The following RAPGEFL1 variants were observed in gnomAD, a reference collection of about 807,000 sequenced individuals.
RAPGEFL1 encodes rap guanine nucleotide exchange factor-like 1.
A neutral mutation model predicts 64.4 loss-of-function variants in RAPGEFL1; 31 were observed. The ratio of observed to expected loss-of-function variants is 0.48; its 90% confidence interval spans 0.36 to 0.65. The LOEUF (loss-of-function observed/expected upper bound fraction) is 0.65. Ranked by LOEUF, RAPGEFL1 falls within the 30% of genes least tolerant of loss-of-function variation. The pLI is 0.00. For missense variants in RAPGEFL1, 682 were observed against 677.4 expected (o/e 1.01, Z -0.08); for synonymous variants, 331 against 274.1 (o/e 1.21, Z -2.05).
At position 40,189,400 on chromosome 17, in the gene RAPGEFL1, G is replaced by A. The variant is rs200311774; in HGVS notation, c.1114+25G>A. ...GGTGAGGGTCAGGAAGAACTGGGCT[G>A]ATGCTCCGAGAGGAGAAACTCACAA... On this transcript the variant is annotated intron_variant, in intron 6 of 14. Transcript: ENST00000620260. 8.1e-6 allele frequency: 13 copies of A among 1,611,916 alleles called. No individual in the cohort carries two copies. The East Asian group carries it at 2.9e-4, about 36-fold the overall frequency.
rs769807590 is a variant in RAPGEFL1, at chr17:40,191,576, C to T, written c.1515-6C>T. 6.2e-7 allele frequency: 1 copy of T among 1,604,084 alleles called. No homozygotes were observed. Among genetic ancestry groups the T allele is most frequent in the Non-Finnish European group, 8.5e-7 (1 of 1,176,520 alleles). On this transcript the variant is annotated splice_region_variant and splice_polypyrimidine_tract_variant and intron_variant, in intron 9 of 14. Coordinates refer to ENST00000620260, the MANE Select transcript of RAPGEFL1 (RefSeq NM_016339.6). This position sits in a 1 kb window ranked among gnomAD's most constrained non-coding sequence, Gnocchi z 5.1. The stretch of plus-strand genomic sequence containing the variant: ...CCGCCCCTGACCCCGCCTCCCACCC[C>T]CGCAGCTGCAAGCAGAACCAGGACC...
chr17:40,180,127 A>G (rs889755761), intron 1 of RAPGEFL1, among the ~76,000 whole-genome samples: 2 of 152,172 alleles, frequency 1.3e-5, no homozygotes, highest in African/African-American at 4.8e-5. Context: ...CCTGTGAGAT[A>G]AAGTCTATGA....
chr17:40,192,778 G>C, intron 12 of RAPGEFL1, 85 bp downstream of exon 12: 1 of 1,436,758 alleles, frequency 7.0e-7, no homozygotes, highest in Admixed American at 1.7e-5. Context: ...GCTCCCTCTC[G>C]ACTCAGCCCT....
chr17:40,192,383 C>A, intron 11 of RAPGEFL1, 120 bp downstream of exon 11: 1 of 1,188,668 alleles, frequency 8.4e-7, no homozygotes, highest in Non-Finnish European at 1.2e-6. Flanking sequence ...ACCCCCCACC[C>A]TCCTTACCAT....
intron 4 of RAPGEFL1, among the ~76,000 whole-genome samples, chr17:40,185,983 C>G (rs1449674142): frequency 2.0e-5 from 3 of 148,378 alleles, no homozygotes; most frequent in Admixed American, 6.7e-5. Context: ...AAAAAAAGGC[C>G]GGGTGCGGTG....
chr17:40,185,293 C>G (rs1294163132), intron 4 of RAPGEFL1, among the ~76,000 whole-genome samples: 3 of 152,146 alleles, frequency 2.0e-5, no homozygotes, highest in Non-Finnish European at 4.4e-5. Context: ...TGATTTCAAG[C>G]TACCAATGTG....
intron 4 of RAPGEFL1, among the ~76,000 whole-genome samples, chr17:40,185,511 C>G (rs895889936): frequency 2.5e-4 from 34 of 138,560 alleles, no homozygotes; most frequent in African/African-American, 7.4e-4. Flanking sequence ...GAAACCCTGT[C>G]TCCACTACAA....
chr17:40,179,248 G>C (rs1407616591), intron 1 of RAPGEFL1, among the ~76,000 whole-genome samples: 1 of 152,162 alleles, frequency 6.6e-6, no homozygotes, highest in Non-Finnish European at 1.5e-5. Flanking sequence ...TGTATTTTTA[G>C]TAGAGACAGG....
At chr17:40,186,424 C>T (rs1990074069) in intron 4 of RAPGEFL1, among the ~76,000 whole-genome samples, 3 of 149,870 alleles carry the variant, frequency 2.0e-5, no homozygotes, top group South Asian at 4.2e-4. Context: ...AAAAATTAGC[C>T]GGGCGCGGTG....
intron 1 of RAPGEFL1, among the ~76,000 whole-genome samples, chr17:40,179,673 G>A (rs1283617185): frequency 6.6e-5 from 10 of 152,172 alleles, no homozygotes; most frequent in Admixed American, 6.5e-4. Flanking sequence ...AAGACCGAGG[G>A]TTCTTTAGGT....
chr17:40,192,319 G>A, intron 11 of RAPGEFL1, 56 bp downstream of exon 11: 1 of 1,556,176 alleles, frequency 6.4e-7, no homozygotes, highest in Non-Finnish European at 8.9e-7. Context: ...GAAACCCTCT[G>A]TTCCCATAAA....
Position 40,177,538 on chromosome 17 carries a change from G to T in RAPGEFL1, c.-324G>T. On this transcript the variant is annotated 5_prime_UTR_variant, in exon 1 of 15. Transcript: ENST00000620260. Reference sequence around the variant, plus strand: ...CGCCGCCGCGTCCTCTCAGCCTTGCGCTCCGCCCGCTGCCTCTGCCGCCGC... The same window carrying T: ...CGCCGCCGCGTCCTCTCAGCCTTGCTCTCCGCCCGCTGCCTCTGCCGCCGC... 1 of 539,844 alleles carries T rather than the reference G, an allele frequency of 1.9e-6. No homozygotes were observed. The highest frequency in any genetic ancestry group is 2.2e-5 in the South Asian group (1 of 44,774). 33.4% of individuals were successfully genotyped at this position (539,844 alleles called of 1,614,324 possible). A position where few individuals can be genotyped will look rare whatever the true frequency, so the allele number is the denominator to read the frequency against.
chr17:40,184,529 A>G lies in RAPGEFL1; in HGVS notation c.736-52A>G. On this transcript the variant is annotated intron_variant, in intron 3 of 14. Transcript: ENST00000620260. ...ACCTTGCCCGGCCCCTGCAGAGAGTAGCCCTTGGAATGAGACCCCTTCCTT... is the reference window on the plus strand; with the variant it reads ...ACCTTGCCCGGCCCCTGCAGAGAGTGGCCCTTGGAATGAGACCCCTTCCTT... 2.4e-6 allele frequency: 3 copies of G among 1,264,906 alleles called. No homozygotes were observed. In the South Asian group the frequency reaches 4.1e-5, roughly 17 times the overall value. The allele number at this position is 1,264,906 out of a possible 1,614,324, so 78.4% of individuals were successfully genotyped here. A position where few individuals can be genotyped will look rare whatever the true frequency, so the allele number is the denominator to read the frequency against.
chr17:40,192,907 TTC>T lies in RAPGEFL1; in HGVS notation c.1745-14_1745-13del. ...TCTCTTATCCTTTCCTCACATTGGA[TTC>T]TCTCCACATCCCCTAGACCTGACTT... On this transcript the variant is annotated splice_polypyrimidine_tract_variant and intron_variant, in intron 12 of 14. Transcript: ENST00000620260. 6.2e-7 allele frequency: 1 copy of T among 1,601,084 alleles called. No homozygotes were observed. Among genetic ancestry groups the T allele is most frequent in the Non-Finnish European group, 8.6e-7 (1 of 1,168,254 alleles).
At chr17:40,192,077 C>A in intron 10 of RAPGEFL1, 136 bp from the exon 11 acceptor site, 1 of 778,340 alleles carries the variant, frequency 1.3e-6, no homozygotes, top group Non-Finnish European at 2.2e-6. Flanking sequence ...CTTCATTTCC[C>A]CACCCACCAG....
intron 4 of RAPGEFL1, among the ~76,000 whole-genome samples, chr17:40,187,047 A>G (rs541450101): frequency 2.6e-4 from 39 of 152,166 alleles, no homozygotes; most frequent in African/African-American, 9.1e-4. Flanking sequence ...GGCTCCAGCA[A>G]TCCTCCCACC....
rs932068450 is a variant in RAPGEFL1, at chr17:40,177,853, G to C, written c.-9G>C. 28 of 427,452 alleles carry C rather than the reference G, an allele frequency of 6.6e-5. No individual in the cohort carries two copies. The highest frequency in any genetic ancestry group is 6.8e-4 in the Middle Eastern group (2 of 2,956). 26.5% of individuals were successfully genotyped at this position (427,452 alleles called of 1,614,324 possible). On this transcript the variant is annotated 5_prime_UTR_variant, in exon 1 of 15. Coordinates refer to ENST00000620260, the MANE Select transcript of RAPGEFL1 (RefSeq NM_016339.6). Reference sequence around the variant, plus strand: ...CCCGGCGACCCCTAGGAGAGGGGCGGGGGGGGGCATGAAGCCGCTGGAGAA... The same window carrying C: ...CCCGGCGACCCCTAGGAGAGGGGCGCGGGGGGGCATGAAGCCGCTGGAGAA...
rs951176738 is a variant in RAPGEFL1, at chr17:40,177,802, C to A, written c.-60C>A. 2.4e-6 allele frequency: 1 copy of A among 411,106 alleles called. No homozygotes were observed. Among genetic ancestry groups the A allele is most frequent in the Middle Eastern group, 4.8e-4 (1 of 2,100 alleles). 25.5% of individuals were successfully genotyped at this position (411,106 alleles called of 1,614,324 possible). ...AGCATCGTGTCTTCGCCGCCCCCCC[C>A]GCCCGCGCCTGGGATACCTGGGTCC... On this transcript the variant is annotated 5_prime_UTR_variant, in exon 1 of 15. Transcript: ENST00000620260.
rs981874600 is a variant in RAPGEFL1 at position 40,177,855 on chromosome 17, G to A, written c.-7G>A. 1 of 427,814 alleles carries A rather than the reference G, an allele frequency of 2.3e-6. No individual in the cohort carries two copies. The highest frequency in any genetic ancestry group is 4.1e-6 in the Non-Finnish European group (1 of 241,102). 26.5% of individuals were successfully genotyped at this position (427,814 alleles called of 1,614,324 possible). A position where few individuals can be genotyped will look rare whatever the true frequency, so the allele number is the denominator to read the frequency against. On this transcript the variant is annotated 5_prime_UTR_variant, in exon 1 of 15. Transcript: ENST00000620260. Reference sequence around the variant, plus strand: ...CGGCGACCCCTAGGAGAGGGGCGGGGGGGGGCATGAAGCCGCTGGAGAAAT... The same window carrying A: ...CGGCGACCCCTAGGAGAGGGGCGGGAGGGGGCATGAAGCCGCTGGAGAAAT...
Sources: gnomAD v4.1 joint callset for allele counts (sites outside exome capture counted in the v4.1 genomes callset) on GRCh38, gnomAD v4.1.1 for gene constraint, Gnocchi (gnomAD v3.1) non-coding constraint, MANE v1.5 for transcripts, NCBI Gene and HGNC (gene_info 2026-07-23, HGNC 2026-07-21) for gene names.